The following USP31 variants were observed in gnomAD, a reference collection of about 807,000 sequenced individuals.
The protein encoded by USP31 is ubiquitin carboxyl-terminal hydrolase 31.
A neutral mutation model predicts 119.4 loss-of-function variants in USP31; 44 were observed. The observed-to-expected ratio is 0.37, with a 90% CI of 0.29 to 0.47. The LOEUF is 0.47. USP31 is among the 20% of genes least tolerant of loss of function. The probability of loss-of-function intolerance (pLI) is 0.99; values close to 1 mark genes in which losing one functional copy is unlikely to be tolerated. For synonymous variants in USP31, 749 were observed against 705.6 expected (o/e 1.06, Z -0.97); for missense variants, 1,643 against 1,730.2 (o/e 0.95, Z 0.89).
At chr16:23,069,904 G>C (rs1198409469) in intron 15 of USP31, among the ~76,000 whole-genome samples, 1 of 152,206 alleles carries the variant, frequency 6.6e-6, no homozygotes, top group African/African-American at 2.4e-5. Context: ...TTCCTGTGAA[G>C]GCCTAGACAG....
At chr16:23,085,017 A>G in intron 10 of USP31, 28 bp from the exon 11 acceptor site, 1 of 1,611,556 alleles carries the variant, frequency 6.2e-7, no homozygotes, top group Non-Finnish European at 8.5e-7. Flanking sequence ...AGCATCTATC[A>G]GGGAATGTCT....
rs1290428513 is a variant in USP31 at position 23,062,079 on chromosome 16, T to C, written c.*5967A>G. 1 of 152,674 alleles carries C rather than the reference T, an allele frequency of 6.5e-6. No individual in the cohort carries two copies. Among genetic ancestry groups the C allele is most frequent in the Non-Finnish European group, 1.5e-5 (1 of 68,040 alleles). 9.5% of individuals were successfully genotyped at this position (152,674 alleles called of 1,614,324 possible). ...ACAGATATCATTATTCTGGATGGCC[T>C]TTCTAAAGAAACATTTCCAACTTGC... On this transcript the variant is annotated 3_prime_UTR_variant, in exon 16 of 16. Transcript: ENST00000219689.
chr16:23,063,733 CCTTT>C lies in USP31; in HGVS notation c.*4309_*4312del, dbSNP rs913557378. Reference sequence around the variant, plus strand: ...TAAAAATAGAGCTCCATAATTGTTGCCTTTTTTTTTTAAGACTTAACATTTCATG... The same window carrying C: ...TAAAAATAGAGCTCCATAATTGTTGCTTTTTTTAAGACTTAACATTTCATG... On this transcript the variant is annotated 3_prime_UTR_variant, in exon 16 of 16. Transcript: ENST00000219689. 2 of 144,462 alleles carry C rather than the reference CCTTT, an allele frequency of 1.4e-5. No individual in the cohort carries two copies. The highest frequency in any genetic ancestry group is 2.2e-4 in the South Asian group (1 of 4,576). The allele number at this position is 144,462 out of a possible 1,614,324, so 8.9% of individuals were successfully genotyped here.
chr16:23,087,238 T>G, intron 8 of USP31, 52 bp from the exon 9 acceptor site: 1 of 1,504,992 alleles, frequency 6.6e-7, no homozygotes, highest in Non-Finnish European at 9.2e-7. Flanking sequence ...CAAGGGCATC[T>G]GTTTCACAGT....
intron 1 of USP31, among the ~76,000 whole-genome samples, chr16:23,133,586 C>T (rs1903095081): frequency 6.6e-6 from 1 of 152,176 alleles, no homozygotes; most frequent in South Asian, 2.1e-4. Context: ...CCATCCAATC[C>T]TGCTACCCTT....
intron 6 of USP31, among the ~76,000 whole-genome samples, chr16:23,097,011 T>C (rs1270274894): frequency 1.3e-5 from 2 of 151,380 alleles, no homozygotes; most frequent in Non-Finnish European, 2.9e-5. Flanking sequence ...CTGAAAGAGA[T>C]AGAGACACAA....
chr16:23,073,141 T>C (rs1014512965), intron 14 of USP31, among the ~76,000 whole-genome samples: 2 of 152,120 alleles, frequency 1.3e-5, no homozygotes, highest in African/African-American at 2.4e-5. Flanking sequence ...TCCCTGCATT[T>C]ATTAAACACA....
chr16:23,143,617 G>T (rs750363194), intron 1 of USP31, among the ~76,000 whole-genome samples: 3 of 151,718 alleles, frequency 2.0e-5, no homozygotes, highest in Non-Finnish European at 4.4e-5. Flanking sequence ...AAGAGAGAGC[G>T]CGAGAGATAA....
chr16:23,074,011 AAG>A (rs1296280896), intron 13 of USP31, 131 bp from the exon 14 acceptor site: 1 of 1,209,276 alleles, frequency 8.3e-7, no homozygotes, highest in Non-Finnish European at 1.2e-6. Flanking sequence ...GCAACACAGA[AAG>A]AGATTAAAAA....
intron 2 of USP31, among the ~76,000 whole-genome samples, chr16:23,106,879 G>A (rs141525527): frequency 2.6e-5 from 4 of 152,170 alleles, no homozygotes; most frequent in Non-Finnish European, 4.4e-5. Flanking sequence ...TTGAGAGGCA[G>A]GGGTGGGCGG....
chr16:23,101,846 T>A (rs1288653026), intron 6 of USP31, among the ~76,000 whole-genome samples: 1 of 152,000 alleles, frequency 6.6e-6, no homozygotes, highest in African/African-American at 2.4e-5. Context: ...AAAAATACTG[T>A]CCAGGGCTTT....
intron 6 of USP31, among the ~76,000 whole-genome samples, chr16:23,092,398 G>A (rs1315891019): frequency 2.6e-5 from 4 of 152,144 alleles, no homozygotes; most frequent in Non-Finnish European, 5.9e-5. Context: ...GCACTGCTGG[G>A]TATAACAAGA....
intron 1 of USP31, among the ~76,000 whole-genome samples, chr16:23,142,341 AC>A (rs1238232246): frequency 6.6e-6 from 1 of 152,176 alleles, no homozygotes; most frequent in African/African-American, 2.4e-5. Context: ...TTCCAAAAAC[AC>A]CTAAGCCTGA....
chr16:23,072,269 A>G (rs774427299), intron 14 of USP31, 72 bp from the exon 15 acceptor site: 1 of 1,547,756 alleles, frequency 6.5e-7, no homozygotes, highest in Non-Finnish European at 8.7e-7. Flanking sequence ...ACACACCCTC[A>G]TGAAGGTGTT....
At chr16:23,117,919 G>A (rs944205058) in intron 1 of USP31, among the ~76,000 whole-genome samples, 2 of 152,052 alleles carry the variant, frequency 1.3e-5, no homozygotes, top group Non-Finnish European at 2.9e-5. Flanking sequence ...CCTCCAAGTA[G>A]CTGGGACTAC....
Position 23,087,798 on chromosome 16 carries a change from T to A in USP31, c.1453A>T (p.Ile485Leu). The change falls in exon 8 of 16, where the codon ATA becomes TTA. Residue 485 changes from isoleucine (I) to leucine (L), a missense_variant. By Grantham distance (5) the Ile-to-Leu change is conservative. This residue lies in a region of USP31 where 219 missense variants were observed against 226.4 expected (regional missense o/e 0.97). Transcript: ENST00000219689. ...TCCTTCTGCAGAAGGTCCCAAGCTA[T>A]TGTCTTCTCTAAGTGCAGCACAAAA... ...LPFVLHLEKTIAWDLLQKEIL... is the reference protein window; with the variant it reads ...LPFVLHLEKTLAWDLLQKEIL... 1.2e-6 allele frequency: 2 copies of A among 1,614,040 alleles called. No homozygotes were observed. The highest frequency in any genetic ancestry group is 1.7e-6 in the Non-Finnish European group (2 of 1,180,026).
chr16:23,123,263 C>A (rs947605981), intron 1 of USP31, among the ~76,000 whole-genome samples: 3 of 152,092 alleles, frequency 2.0e-5, no homozygotes, highest in Non-Finnish European at 2.9e-5. Flanking sequence ...TTAGGCTGGG[C>A]GCGGCAGCTC....
At position 23,062,857 on chromosome 16, in the gene USP31, T is replaced by C. The variant is rs887993028; in HGVS notation, c.*5189A>G. On this transcript the variant is annotated 3_prime_UTR_variant, in exon 16 of 16. Transcript: ENST00000219689. ...ATCTCTCAATTCTTTTTATTCTTATTTTTTCTGCTTCTCCTACACAACTGA... is the reference window on the plus strand; with the variant it reads ...ATCTCTCAATTCTTTTTATTCTTATCTTTTCTGCTTCTCCTACACAACTGA... The C allele has an allele frequency of 6.6e-6, 1 of 152,598 alleles. No homozygotes were observed. Among genetic ancestry groups the C allele is most frequent in the Non-Finnish European group, 1.5e-5 (1 of 68,030 alleles). The allele number at this position is 152,598 out of a possible 1,614,324, so 9.5% of individuals were successfully genotyped here.
chr16:23,062,511 G>A lies in USP31; in HGVS notation c.*5535C>T, dbSNP rs1387210785. Reference sequence around the variant, plus strand: ...AGTAGGAAATTCAGCGGCAGCCTGGGGTTTGCTACTGTAATTCCTACAAAA... The same window carrying A: ...AGTAGGAAATTCAGCGGCAGCCTGGAGTTTGCTACTGTAATTCCTACAAAA... On this transcript the variant is annotated 3_prime_UTR_variant, in exon 16 of 16. Coordinates refer to ENST00000219689, the MANE Select transcript of USP31 (RefSeq NM_020718.4). 1 of 152,482 alleles carries A rather than the reference G, an allele frequency of 6.6e-6. No homozygotes were observed. Among genetic ancestry groups the A allele is most frequent in the Admixed American group, 6.5e-5 (1 of 15,272 alleles). 9.4% of individuals were successfully genotyped at this position (152,482 alleles called of 1,614,324 possible). A position where few individuals can be genotyped will look rare whatever the true frequency, so the allele number is the denominator to read the frequency against.
Sources: gnomAD v4.1 joint callset for allele counts (sites outside exome capture counted in the v4.1 genomes callset) on GRCh38, gnomAD v4.1.1 for gene constraint, gnomAD v4.1.1 regional missense constraint, MANE v1.5 for transcripts, NCBI Gene and HGNC (gene_info 2026-07-23, HGNC 2026-07-21) for gene names.